The following EXOC4 variants were observed in gnomAD, a reference collection of about 807,000 sequenced individuals.
EXOC4 encodes the protein SEC8-like 1.
Under a neutral mutation model 107.2 loss-of-function variants are expected in EXOC4, and 71 were observed. That is an observed-to-expected ratio of 0.66 (90% CI 0.55 to 0.81). EXOC4 has a LOEUF of 0.81. Ranked by LOEUF, EXOC4 falls within the 30% of genes least tolerant of loss-of-function variation. The pLI is 0.00. For synonymous variants in EXOC4, 456 were observed against 441.2 expected, an observed-to-expected ratio of 1.03 and a Z score of -0.42; for missense variants, 1,108 against 1,189.6, an observed-to-expected ratio of 0.93 and a Z score of 1.01.
At chr7:133,855,087 A>ATCTAAATATATCTAAATATG (rs1284360583) in intron 11 of EXOC4, among the ~76,000 whole-genome samples, 1 of 53,516 alleles carries the variant, frequency 1.9e-5, no homozygotes, top group African/African-American at 1.8e-4. Flanking sequence ...ATCTAAATAT[A>ATCTAAATATATCTAAATATG]TATAAATATA....
chr7:133,430,120 G>A (rs1797821690), intron 7 of EXOC4, among the ~76,000 whole-genome samples: 1 of 152,216 alleles, frequency 6.6e-6, no homozygotes, highest in South Asian at 2.1e-4. Flanking sequence ...ATTTTATTGA[G>A]TGATGGAAGT....
intron 14 of EXOC4, among the ~76,000 whole-genome samples, chr7:133,974,113 A>C (rs1035193379): frequency 6.6e-6 from 1 of 152,214 alleles, no homozygotes; most frequent in Non-Finnish European, 1.5e-5. Flanking sequence ...TTTTCAGCCC[A>C]TGCTTTTTGA....
chr7:133,321,104 T>G (rs1584808805), intron 5 of EXOC4, among the ~76,000 whole-genome samples: 1 of 152,144 alleles, frequency 6.6e-6, no homozygotes, highest in Non-Finnish European at 1.5e-5. Flanking sequence ...ATAGAGGAAG[T>G]TCCATTAGGG....
intron 10 of EXOC4, among the ~76,000 whole-genome samples, chr7:133,716,364 C>G (rs1319707205): frequency 6.6e-6 from 1 of 152,130 alleles, no homozygotes; most frequent in Non-Finnish European, 1.5e-5. Context: ...GGGAGCGAGT[C>G]TTGGGTGAAT....
At chr7:133,842,221 A>C (rs1798037812) in intron 11 of EXOC4, among the ~76,000 whole-genome samples, 1 of 152,226 alleles carries the variant, frequency 6.6e-6, no homozygotes, top group Non-Finnish European at 1.5e-5. Flanking sequence ...TCTTTGAGAA[A>C]TCCTCAAACT....
chr7:133,487,046 T>A (rs1338828276), intron 9 of EXOC4, among the ~76,000 whole-genome samples: 1 of 152,238 alleles, frequency 6.6e-6, no homozygotes, highest in Non-Finnish European at 1.5e-5. Context: ...ATTTACTTTA[T>A]ATAAGTTGGA....
intron 7 of EXOC4, among the ~76,000 whole-genome samples, chr7:133,453,708 G>A (rs1043797188): frequency 6.6e-6 from 1 of 151,934 alleles, no homozygotes; most frequent in African/African-American, 2.4e-5. Context: ...ATTAAAGAGA[G>A]TATTCTTTTT....
chr7:133,973,977 C>G (rs1268954550), intron 14 of EXOC4, among the ~76,000 whole-genome samples: 1 of 152,214 alleles, frequency 6.6e-6, no homozygotes, highest in Non-Finnish European at 1.5e-5. Flanking sequence ...GGGCCGCAAA[C>G]TCAGCCTTTT....
intron 17 of EXOC4, among the ~76,000 whole-genome samples, chr7:134,031,975 A>AT (rs1446590741): frequency 1.3e-5 from 2 of 152,220 alleles, no homozygotes; most frequent in Non-Finnish European, 2.9e-5. Flanking sequence ...ATTGTAAATC[A>AT]TGACTCTTTG....
chr7:133,880,871 T>G (rs1798951359), intron 11 of EXOC4, among the ~76,000 whole-genome samples: 1 of 152,222 alleles, frequency 6.6e-6, no homozygotes, highest in Admixed American at 6.5e-5. Context: ...TATTGGCAAA[T>G]AAGTTTAACA....
rs545983628 is a variant in EXOC4, at chr7:133,489,629, C to T, written c.1417+9491C>T. ...TCAGACACCTAACATTAATTGGAGT[C>T]AGCAGCGATTATACTTTTGTTTCCT... is the stretch of plus-strand genomic sequence containing the variant. On this transcript the variant is annotated intron_variant, in intron 9 of 17. Transcript: ENST00000253861. Among the ~76,000 whole-genome samples, 20 of 152,322 alleles carry T rather than the reference C, an allele frequency of 1.3e-4. No individual in the cohort carries two copies. In the East Asian group the frequency reaches 3.3e-3, roughly 25 times the overall value.
At chr7:133,344,854 G>T (rs1471218570) in intron 5 of EXOC4, among the ~76,000 whole-genome samples, 1 of 152,056 alleles carries the variant, frequency 6.6e-6, no homozygotes, top group Non-Finnish European at 1.5e-5. Flanking sequence ...ACCTTTGTTT[G>T]CAATAAGGCC....
chr7:133,510,623 A>G (rs1432140488), intron 9 of EXOC4, among the ~76,000 whole-genome samples: 2 of 152,204 alleles, frequency 1.3e-5, no homozygotes, highest in Non-Finnish European at 2.9e-5. Flanking sequence ...TTGTTTAGCA[A>G]TCTAAACACT....
At chr7:133,332,332 T>A (rs2150607211) in intron 5 of EXOC4, among the ~76,000 whole-genome samples, 1 of 152,304 alleles carries the variant, frequency 6.6e-6, no homozygotes, top group South Asian at 2.1e-4. Flanking sequence ...ACTTTATATA[T>A]ATCTTAAGAA....
chr7:133,657,590 G>A (rs1303075096), intron 10 of EXOC4, among the ~76,000 whole-genome samples: 1 of 152,110 alleles, frequency 6.6e-6, no homozygotes, highest in African/African-American at 2.4e-5. Flanking sequence ...AGAAATCAGT[G>A]TGGATCCTAC....
intron 1 of EXOC4, among the ~76,000 whole-genome samples, chr7:133,261,880 GGTT>G (rs2150506851): frequency 6.6e-6 from 1 of 152,178 alleles, no homozygotes; most frequent in East Asian, 1.9e-4. Flanking sequence ...AATCCTTTCA[GGTT>G]GTTATTTTCC....
At chr7:133,564,820 A>G (rs1277353574) in intron 9 of EXOC4, among the ~76,000 whole-genome samples, 1 of 152,174 alleles carries the variant, frequency 6.6e-6, no homozygotes, top group East Asian at 1.9e-4. Flanking sequence ...GAGTGGAAAT[A>G]TTTTCTAACC....
chr7:133,480,167 T>G lies in EXOC4; in HGVS notation c.1417+29T>G, dbSNP rs934158897. 5.0e-6 allele frequency: 8 copies of G among 1,609,620 alleles called. No homozygotes were observed. The Admixed American group carries it at 5.0e-5, about 10-fold the overall frequency. On this transcript the variant is annotated intron_variant, in intron 9 of 17. Coordinates refer to ENST00000253861, the MANE Select transcript of EXOC4 (RefSeq NM_021807.4). ...AGTGATTGAGCTTCTCTGGAAAAATTAATTTTCTGGAGGAGTATTTCCTTT... is the reference window on the plus strand; with the variant it reads ...AGTGATTGAGCTTCTCTGGAAAAATGAATTTTCTGGAGGAGTATTTCCTTT...
At chr7:133,473,087 T>C (rs1041163266) in intron 7 of EXOC4, among the ~76,000 whole-genome samples, 3 of 152,188 alleles carry the variant, frequency 2.0e-5, no homozygotes, top group African/African-American at 7.2e-5. Context: ...CTTTCTGTGT[T>C]ATATTAATTT....
Sources: allele counts gnomAD v4.1 joint callset (sites outside exome capture counted in the v4.1 genomes callset), GRCh38; gene constraint gnomAD v4.1.1; transcripts MANE v1.5; gene names NCBI Gene and HGNC (gene_info 2026-07-23, HGNC 2026-07-21).